Variants in ADGRV1 observed in about 807,000 individuals in gnomAD.
ADGRV1 encodes adhesion G protein-coupled receptor V1.
Under a neutral mutation model 596.2 loss-of-function variants are expected in ADGRV1, and 359 were observed. The ratio of observed to expected loss-of-function variants is 0.60; its 90% CI spans 0.55 to 0.66. The LOEUF (loss-of-function observed/expected upper bound fraction) is 0.66, where lower values mean the gene tolerates loss of function less well. Ranked by LOEUF, ADGRV1 falls within the 30% of genes least tolerant of loss-of-function variation. The pLI is 0.00. For synonymous variants in ADGRV1, 2,681 were observed against 2,679.2 expected (o/e 1.00, Z -0.02); for missense variants, 7,274 against 7,575.6 (o/e 0.96, Z 1.48).
In ADGRV1 at chr5:90,763,379, A is replaced by T. The variant is rs181712943; in HGVS notation, c.12195A>T (p.Gly4065=). 3.7e-6 allele frequency: 6 copies of T among 1,613,028 alleles called. No individual in the cohort carries two copies. The South Asian group carries it at 6.6e-5, about 18-fold the overall frequency. ...CATTGACGGTTGTCCGGTCCCCAGG[A>T]GGAAAAGGAACCGTCCGACTTGAGT... ...YVTLTVVRSP[G]GKGTVRLEWT... The change falls in exon 59 of 90, where the codon GGA becomes GGT. Residue 4065 remains glycine, a synonymous_variant. Transcript: ENST00000405460.
At chr5:90,799,823 GGGGA>G (rs1287385676) in intron 70 of ADGRV1, among the ~76,000 whole-genome samples, 1 of 152,126 alleles carries the variant, frequency 6.6e-6, no homozygotes, top group Non-Finnish European at 1.5e-5. Flanking sequence ...AACAAGCAAT[GGGGA>G]AAGGATTCCC....
At chr5:90,562,503 T>C (rs984365278) in intron 1 of ADGRV1, among the ~76,000 whole-genome samples, 2 of 152,116 alleles carry the variant, frequency 1.3e-5, no homozygotes, top group African/African-American at 2.4e-5. Flanking sequence ...AGGCTGTGTT[T>C]TCCGATTCTA....
chr5:90,847,614 T>TG (rs901588028), intron 78 of ADGRV1, among the ~76,000 whole-genome samples: 1 of 151,998 alleles, frequency 6.6e-6, no homozygotes, highest in Non-Finnish European at 1.5e-5. Flanking sequence ...CCCACGGTGG[T>TG]GGGGGGAGGC....
intron 70 of ADGRV1, 30 bp downstream of exon 70, chr5:90,791,376 A>C (rs377169760): frequency 6.8e-7 from 1 of 1,470,962 alleles, no homozygotes. Flanking sequence ...TTTCCTGATC[A>C]TTCCAATAAA....
chr5:90,829,587 G>A (rs1443038518), intron 77 of ADGRV1, among the ~76,000 whole-genome samples: 1 of 152,062 alleles, frequency 6.6e-6, no homozygotes, highest in Non-Finnish European at 1.5e-5. Context: ...AACACTAGCT[G>A]ATCTTTACAC....
At chr5:91,154,255 G>A (rs1796286225) in intron 89 of ADGRV1, among the ~76,000 whole-genome samples, 1 of 152,138 alleles carries the variant, frequency 6.6e-6, no homozygotes, top group South Asian at 2.1e-4. Flanking sequence ...AACCACATAA[G>A]CAAGAAAATG....
intron 87 of ADGRV1, among the ~76,000 whole-genome samples, chr5:91,125,966 G>A (rs904029892): frequency 6.6e-6 from 1 of 152,102 alleles, no homozygotes; most frequent in Non-Finnish European, 1.5e-5. Flanking sequence ...TTGGAATCCA[G>A]CTTTAAATGG....
intron 84 of ADGRV1, among the ~76,000 whole-genome samples, chr5:90,967,005 C>A (rs937367410): frequency 6.6e-6 from 1 of 152,048 alleles, no homozygotes; most frequent in Non-Finnish European, 1.5e-5. Context: ...GATGTAGCAA[C>A]AGTGAATTAA....
At chr5:90,831,054 G>A (rs571466997) in intron 77 of ADGRV1, among the ~76,000 whole-genome samples, 7 of 152,012 alleles carry the variant, frequency 4.6e-5, no homozygotes, top group East Asian at 1.9e-4. Context: ...GCTTTTGCAC[G>A]GGAACTACAC....
chr5:91,144,713 A>G lies in ADGRV1; in HGVS notation c.18433-5317A>G, dbSNP rs182569460. Among the ~76,000 whole-genome samples the G allele has an allele frequency of 5.9e-5, 9 of 152,370 alleles. No homozygotes were observed. The East Asian group carries it at 1.7e-3, about 29-fold the overall frequency. On this transcript the variant is annotated intron_variant, in intron 87 of 89. Coordinates refer to ENST00000405460, the MANE Select transcript of ADGRV1 (RefSeq NM_032119.4). ...ATTCCCTTCCCTGTAAGCTTTCACTAGGTAAAGAATAGGAAGAACAGATGG... is the reference window on the plus strand; with the variant it reads ...ATTCCCTTCCCTGTAAGCTTTCACTGGGTAAAGAATAGGAAGAACAGATGG...
rs557989446 is a variant in ADGRV1 at position 90,985,362 on chromosome 5, G to A, written c.17992G>A (p.Val5998Met). 1.3e-4 allele frequency: 205 copies of A among 1,611,590 alleles called. 1 individual carries two copies. In the Admixed American group the frequency reaches 2.5e-3, roughly 19 times the overall value. Reference sequence around the variant, plus strand: ...TCCTTAGTCTGTGAATTTCTGGTACGTGCTGGTGATGAATGATGAGCACAC... The same window carrying A: ...TCCTTAGTCTGTGAATTTCTGGTACATGCTGGTGATGAATGATGAGCACAC... ...MLIQSVNFWY[V>M]LVMNDEHTER... Residue 5998 changes from valine to methionine, a missense_variant, in exon 85 of 90, where the codon GTG becomes ATG. By Grantham distance (21) the Val-to-Met change is conservative. Coordinates refer to ENST00000405460, the MANE Select transcript of ADGRV1 (RefSeq NM_032119.4).
chr5:90,927,921 G>A (rs370386959), intron 83 of ADGRV1, among the ~76,000 whole-genome samples: 1 of 152,094 alleles, frequency 6.6e-6, no homozygotes, highest in Admixed American at 6.5e-5. Context: ...GAAATTCTGG[G>A]TTGAAAATTC....
intron 1 of ADGRV1, among the ~76,000 whole-genome samples, chr5:90,609,987 A>G (rs1762545790): frequency 1.3e-5 from 2 of 151,690 alleles, no homozygotes; most frequent in African/African-American, 2.4e-5. Flanking sequence ...ACTTTCTTTC[A>G]TTGTCTTCTA....
chr5:90,807,173 A>G (rs1485100824), intron 72 of ADGRV1, among the ~76,000 whole-genome samples: 1 of 152,158 alleles, frequency 6.6e-6, no homozygotes, highest in African/African-American at 2.4e-5. Flanking sequence ...AATAGTTGTT[A>G]CAGTCTGCTA....
chr5:90,641,515 T>C (rs1057451982), intron 11 of ADGRV1, among the ~76,000 whole-genome samples: 55 of 152,232 alleles, frequency 3.6e-4, no homozygotes, highest in African/African-American at 8.9e-4. Context: ...GATATTGATA[T>C]AAATGATGGA....
At chr5:90,888,951 A>G (rs1770546930) in intron 83 of ADGRV1, among the ~76,000 whole-genome samples, 1 of 152,150 alleles carries the variant, frequency 6.6e-6, no homozygotes, top group South Asian at 2.1e-4. Context: ...CATCTGGGAT[A>G]TCATTAGCAA....
At chr5:91,056,622 G>A (rs527949505) in intron 85 of ADGRV1, among the ~76,000 whole-genome samples, 48 of 152,118 alleles carry the variant, frequency 3.2e-4, no homozygotes, top group Admixed American at 6.5e-4. Flanking sequence ...TCGTCATTGG[G>A]TTCTTTGGCA....
chr5:90,662,521 A>C (rs543723214), intron 21 of ADGRV1, among the ~76,000 whole-genome samples: 1 of 151,912 alleles, frequency 6.6e-6, no homozygotes, highest in South Asian at 2.1e-4. Flanking sequence ...AGCAAACCTC[A>C]GGCGTTATGT....
chr5:90,852,399 A>G (rs964981962), intron 79 of ADGRV1, among the ~76,000 whole-genome samples: 12 of 152,232 alleles, frequency 7.9e-5, no homozygotes, highest in African/African-American at 2.7e-4. Context: ...TTTAACATTT[A>G]ATGCATAAAT....
Sources: allele counts gnomAD v4.1 joint callset (sites outside exome capture counted in the v4.1 genomes callset), GRCh38; gene constraint gnomAD v4.1.1; transcripts MANE v1.5; gene names NCBI Gene and HGNC (gene_info 2026-07-23, HGNC 2026-07-21).